CEP15: variants seen among roughly 807,000 people sequenced by gnomAD.
The protein encoded by CEP15 is centrosomal protein 15, also known as centrosomal protein 15 kDa.
the CEP15 span, chr3:62,335,229 T>G: frequency 6.6e-6 from 1 of 152,102 alleles, no homozygotes; most frequent in Non-Finnish European, 1.5e-5. Flanking sequence ...TTTTTCTCCC[T>G]AAAACTGAGA....
chr3:62,320,338 A>G, the CEP15 span: 2 of 633,462 alleles, frequency 3.2e-6, no homozygotes, highest in Middle Eastern at 3.1e-4. Flanking sequence ...ACATTATTAC[A>G]TCTTAAGTTT....
At chr3:62,336,034 G>A in the CEP15 span, 2 of 152,210 alleles carry the variant, frequency 1.3e-5, no homozygotes, top group Non-Finnish European at 2.9e-5. This position sits in a 1 kb window ranked among gnomAD's most constrained non-coding sequence, Gnocchi z 4.4. Flanking sequence ...CAAACGGACA[G>A]TTTTTTTCTG....
chr3:62,328,326 T>C, the CEP15 span, among the ~76,000 whole-genome samples: 1 of 152,218 alleles, frequency 6.6e-6, no homozygotes, highest in Non-Finnish European at 1.5e-5. Context: ...CTATCACCAA[T>C]AATATGATTA....
the CEP15 span, chr3:62,322,086 T>C: frequency 2.0e-5 from 31 of 1,583,376 alleles, no homozygotes; most frequent in Middle Eastern, 1.2e-3. The surrounding 1 kb of genome is among the most constrained non-coding windows in gnomAD (Gnocchi z 5.5). Context: ...TAGAGATTTA[T>C]CCCACCTTCT....
the CEP15 span, among the ~76,000 whole-genome samples, chr3:62,331,854 G>C: frequency 1.2e-4 from 19 of 152,084 alleles, no homozygotes; most frequent in African/African-American, 4.6e-4. Flanking sequence ...ATTTTGTTCA[G>C]TTCAAGAAGA....
chr3:62,327,343 T>C, the CEP15 span, among the ~76,000 whole-genome samples: 1 of 152,246 alleles, frequency 6.6e-6, no homozygotes, highest in East Asian at 1.9e-4. Flanking sequence ...GTACAAAATA[T>C]TATTTCAAAT....
the CEP15 span, chr3:62,333,158 G>A: frequency 5.0e-5 from 51 of 1,011,774 alleles, no homozygotes; most frequent in Admixed American, 1.4e-4. The surrounding 1 kb of genome is among the most constrained non-coding windows in gnomAD (Gnocchi z 4.0). Flanking sequence ...GTGTATACAC[G>A]CATACACACT....
chr3:62,328,898 GT>G, the CEP15 span, among the ~76,000 whole-genome samples: 26,485 of 131,600 alleles, frequency 0.2, 2,398 homozygotes, highest in African/African-American at 0.26. Flanking sequence ...AAATTGCGAA[GT>G]TTTTTTTTTT....
the CEP15 span, among the ~76,000 whole-genome samples, chr3:62,321,683 C>A: frequency 6.6e-6 from 1 of 152,000 alleles, no homozygotes; most frequent in East Asian, 1.9e-4. The surrounding 1 kb of genome is among the most constrained non-coding windows in gnomAD (Gnocchi z 4.1). Context: ...AAAACAGAAG[C>A]ATGTACTTAT....
chr3:62,328,119 T>G, the CEP15 span, among the ~76,000 whole-genome samples: 1 of 152,248 alleles, frequency 6.6e-6, no homozygotes, highest in Non-Finnish European at 1.5e-5. Context: ...TCTCTCAATC[T>G]GGGCACTAGG....
At chr3:62,328,060 C>A in the CEP15 span, among the ~76,000 whole-genome samples, 1 of 152,082 alleles carries the variant, frequency 6.6e-6, no homozygotes, top group Admixed American at 6.5e-5. Context: ...CTGGAATTGG[C>A]CATTGCTCCA....
At chr3:62,320,383 T>G in the CEP15 span, 1 of 973,702 alleles carries the variant, frequency 1.0e-6, no homozygotes, top group Non-Finnish European at 1.6e-6. Flanking sequence ...TGGATTAAGG[T>G]ACTAAAATAA....
At chr3:62,326,255 C>G in the CEP15 span, among the ~76,000 whole-genome samples, 1 of 152,142 alleles carries the variant, frequency 6.6e-6, no homozygotes, top group Non-Finnish European at 1.5e-5. Flanking sequence ...GACCCTATCT[C>G]TCCTTTTTCC....
At chr3:62,331,681 A>G in the CEP15 span, among the ~76,000 whole-genome samples, 1 of 152,118 alleles carries the variant, frequency 6.6e-6, no homozygotes, top group South Asian at 2.1e-4. Flanking sequence ...TTAAACCATA[A>G]CAGACAATAT....
At chr3:62,333,060 C>A in the CEP15 span, among the ~76,000 whole-genome samples, 2 of 152,044 alleles carry the variant, frequency 1.3e-5, no homozygotes, top group Non-Finnish European at 2.9e-5. The surrounding 1 kb of genome is among the most constrained non-coding windows in gnomAD (Gnocchi z 4.0). Flanking sequence ...AAAATTAACA[C>A]TAGTAAGTAG....
the CEP15 span, chr3:62,331,262 A>G: frequency 2.9e-6 from 4 of 1,395,830 alleles, no homozygotes; most frequent in East Asian, 4.6e-5. Flanking sequence ...AGATATTGCT[A>G]GTACAGGTGC....
the CEP15 span, chr3:62,333,685 A>G: frequency 9.9e-6 from 2 of 202,966 alleles, no homozygotes; most frequent in East Asian, 2.7e-4. This position sits in a 1 kb window ranked among gnomAD's most constrained non-coding sequence, Gnocchi z 4.0. Flanking sequence ...TTAAAAAAAA[A>G]AAAATTTACA....
At chr3:62,326,248 C>G in the CEP15 span, among the ~76,000 whole-genome samples, 1 of 152,032 alleles carries the variant, frequency 6.6e-6, no homozygotes, top group African/African-American at 2.4e-5. Context: ...CTTACAGGAC[C>G]CTATCTCTCC....
chr3:62,335,043 T>C, the CEP15 span: 1 of 152,088 alleles, frequency 6.6e-6, no homozygotes, highest in African/African-American at 2.4e-5. Context: ...TGTTAGATGG[T>C]AAAATATTGT....
Sources: gnomAD v4.1 joint callset for allele counts (sites outside exome capture counted in the v4.1 genomes callset) on GRCh38, gnomAD v4.1.1 for gene constraint, Gnocchi (gnomAD v3.1) non-coding constraint, MANE v1.5 for transcripts, NCBI Gene and HGNC (gene_info 2026-07-23, HGNC 2026-07-21) for gene names.